IFT52: variants seen among roughly 807,000 people sequenced by gnomAD.
IFT52 encodes the protein intraflagellar transport protein 52 homolog.
A neutral mutation model predicts 54.4 loss-of-function variants in IFT52; 44 were observed. That is an observed-to-expected ratio of 0.81 (90% CI 0.63 to 1.04). The LOEUF is 1.04. Ranked by LOEUF, IFT52 falls within the 50% of genes least tolerant of loss-of-function variation. The pLI, the probability that IFT52 is intolerant of heterozygous loss-of-function variation, is 0.00. For missense variants in IFT52, 452 were observed against 523.6 expected (o/e 0.86, Z 1.33); for synonymous variants, 181 against 185.3 (o/e 0.98, Z 0.19).
chr20:43,605,651 A>G (rs780453664), intron 6 of IFT52, among the ~76,000 whole-genome samples: 4 of 152,082 alleles, frequency 2.6e-5, no homozygotes, highest in African/African-American at 9.7e-5. Context: ...TAAATTGGAT[A>G]TATCCCAGTT....
At chr20:43,627,952 C>T (rs1268964758) in intron 10 of IFT52, among the ~76,000 whole-genome samples, 2 of 98,014 alleles carry the variant, frequency 2.0e-5, no homozygotes, top group African/African-American at 4.0e-5. Flanking sequence ...TTTTGAGATA[C>T]AGTCTCACTC....
Position 43,590,944 on chromosome 20 carries a change from G to C in IFT52, c.-117G>C, listed in dbSNP as rs1981447774. The C allele has an allele frequency of 6.6e-6, 1 of 152,284 alleles. No homozygotes were observed. The highest frequency in any genetic ancestry group is 1.5e-5 in the Non-Finnish European group (1 of 68,060). The allele number at this position is 152,284 out of a possible 1,614,324, so 9.4% of individuals were successfully genotyped here. ...TCGGCCGGAGCTAGCGCTGCGTCCT[G>C]GGCCACGCCTCCCGGCGCACCGACG... is the stretch of plus-strand genomic sequence containing the variant. On this transcript the variant is annotated 5_prime_UTR_variant, in exon 1 of 14. Coordinates refer to ENST00000373030, the MANE Select transcript of IFT52 (RefSeq NM_016004.5).
chr20:43,619,083 A>G, intron 8 of IFT52, 57 bp downstream of exon 8: 2 of 1,211,334 alleles, frequency 1.7e-6, no homozygotes, highest in Non-Finnish European at 1.2e-6. Flanking sequence ...CATGTCATTT[A>G]AAAAAATACT....
At chr20:43,641,951 A>AT (rs773422420) in intron 12 of IFT52, among the ~76,000 whole-genome samples, 13 of 151,908 alleles carry the variant, frequency 8.6e-5, no homozygotes, top group Non-Finnish European at 1.6e-4. Flanking sequence ...GCATCACCAC[A>AT]TCTGGCTAAT....
At chr20:43,624,143 G>A in intron 10 of IFT52, 98 bp downstream of exon 10, 1 of 1,262,534 alleles carries the variant, frequency 7.9e-7, no homozygotes, top group East Asian at 2.3e-5. Context: ...CACAGTAAAT[G>A]TGGCATGCAG....
intron 11 of IFT52, among the ~76,000 whole-genome samples, chr20:43,636,547 A>G (rs1183056552): frequency 2.0e-5 from 3 of 152,222 alleles, no homozygotes. Context: ...TACATTACAG[A>G]AAATGGTAAA....
chr20:43,596,652 T>C, intron 3 of IFT52, 130 bp downstream of exon 3: 1 of 654,062 alleles, frequency 1.5e-6, no homozygotes. Flanking sequence ...TCTCTTTTCA[T>C]CATGGAGTTG....
At chr20:43,598,312 C>T (rs937558505) in intron 3 of IFT52, among the ~76,000 whole-genome samples, 33 of 152,146 alleles carry the variant, frequency 2.2e-4, no homozygotes, top group Admixed American at 2.0e-3. Flanking sequence ...GGGAATGGAG[C>T]GTTGCTGCTT....
intron 1 of IFT52, among the ~76,000 whole-genome samples, chr20:43,592,483 A>G (rs575610477): frequency 1.3e-5 from 2 of 152,160 alleles, no homozygotes; most frequent in South Asian, 4.2e-4. Context: ...CTGAGGCACG[A>G]GAATCTCTTG....
Position 43,613,311 on chromosome 20 carries a change from C to T in IFT52, c.486-539C>T, listed in dbSNP as rs143025895. 1.8e-3 allele frequency among the ~76,000 whole-genome samples: 277 copies of T among 152,336 alleles called. 2 individuals are homozygous for T. Among genetic ancestry groups the T allele is most frequent in the African/African-American group, 6.3e-3 (262 of 41,584 alleles). On this transcript the variant is annotated intron_variant, in intron 6 of 13. Transcript: ENST00000373030. ...TTCTTGGATGAGGCCCCATCCTCTT[C>T]CTCCTCCCTCCATCAGGGGCTTCTT...
intron 8 of IFT52, 83 bp from the exon 9 acceptor site, chr20:43,620,774 T>C (rs1039975036): frequency 2.1e-6 from 2 of 973,056 alleles, no homozygotes; most frequent in Non-Finnish European, 3.1e-6. Context: ...TTATCATTCT[T>C]CTTGATTTAA....
intron 9 of IFT52, chr20:43,621,172 T>G (rs1453911536): frequency 3.2e-6 from 1 of 311,656 alleles, no homozygotes; most frequent in African/African-American, 2.2e-5. Context: ...TAAATTAGAA[T>G]TTAAATTATG....
chr20:43,622,655 AT>A (rs1984395015), intron 9 of IFT52, among the ~76,000 whole-genome samples: 1 of 147,634 alleles, frequency 6.8e-6, no homozygotes. Flanking sequence ...ATTTATATAT[AT>A]TTTATATGTA....
intron 10 of IFT52, among the ~76,000 whole-genome samples, chr20:43,631,236 C>CAGTTGTATT (rs1396090289): frequency 2.0e-5 from 3 of 152,182 alleles, no homozygotes; most frequent in African/African-American, 7.2e-5. Context: ...CGACTTTCCA[C>CAGTTGTATT]AGTTGTATTG....
chr20:43,603,666 A>G (rs1982625686), intron 3 of IFT52, 94 bp from the exon 4 acceptor site: 1 of 1,125,310 alleles, frequency 8.9e-7, no homozygotes, highest in African/African-American at 1.6e-5. Flanking sequence ...TAGATTTGAA[A>G]TATGTATTTT....
chr20:43,602,619 C>T (rs1037348529), intron 3 of IFT52, among the ~76,000 whole-genome samples: 14 of 152,088 alleles, frequency 9.2e-5, no homozygotes, highest in African/African-American at 2.9e-4. Flanking sequence ...AGCAATTCCC[C>T]TCCCTCAACC....
intron 10 of IFT52, among the ~76,000 whole-genome samples, chr20:43,633,506 G>A (rs1044281783): frequency 5.3e-5 from 8 of 151,872 alleles, no homozygotes; most frequent in South Asian, 2.1e-4. Flanking sequence ...TCAGGAGTTC[G>A]AGACCAGCCT....
At chr20:43,643,762 G>C (rs546338100) in intron 13 of IFT52, among the ~76,000 whole-genome samples, 1 of 58,310 alleles carries the variant, frequency 1.7e-5, no homozygotes, top group African/African-American at 5.0e-5. Context: ...GAGAACAGAG[G>C]AAAGGACAGA....
At chr20:43,633,480 C>T (rs992621488) in intron 10 of IFT52, among the ~76,000 whole-genome samples, 1 of 151,692 alleles carries the variant, frequency 6.6e-6, no homozygotes. Context: ...AAGGCTGAGG[C>T]GGGTGGATCA....
Sources: gnomAD v4.1 joint callset for allele counts (sites outside exome capture counted in the v4.1 genomes callset) on GRCh38, gnomAD v4.1.1 for gene constraint, MANE v1.5 for transcripts, NCBI Gene and HGNC (gene_info 2026-07-23, HGNC 2026-07-21) for gene names.